Variants in PBX3 observed in about 807,000 individuals in gnomAD.
PBX3 encodes PBX homeobox 3.
PBX3 carries 14 observed loss-of-function variants against 48.5 expected under a neutral mutation model. The ratio of observed to expected loss-of-function variants is 0.29; its 90% confidence interval spans 0.19 to 0.45. The LOEUF (loss-of-function observed/expected upper bound fraction) is 0.45, where lower values mean the gene tolerates loss of function less well. PBX3 is among the 20% of genes least tolerant of loss of function. PBX3 has a pLI of 1.00. For missense variants in PBX3, 386 were observed against 546.7 expected, an observed-to-expected ratio of 0.71 and a Z score of 2.93; for synonymous variants, 210 against 200.3, an observed-to-expected ratio of 1.05 and a Z score of -0.41.
intron 5 of PBX3, among the ~76,000 whole-genome samples, chr9:125,956,876 C>T (rs1842321593): frequency 6.6e-6 from 1 of 152,198 alleles, no homozygotes; most frequent in African/African-American, 2.4e-5. Flanking sequence ...AAGCTCTGCT[C>T]GCCTTCATGC....
At chr9:125,879,142 A>G (rs1019653054) in intron 2 of PBX3, among the ~76,000 whole-genome samples, 1 of 147,316 alleles carries the variant, frequency 6.8e-6, no homozygotes, top group South Asian at 2.1e-4. Flanking sequence ...CAGTGGTGCA[A>G]TCTTAGCTCA....
rs149685433 is a variant in PBX3 at position 125,944,181 on chromosome 9, AC to A, written c.843+8576del. Among the ~76,000 whole-genome samples, 587 of 152,320 alleles carry A rather than the reference AC, an allele frequency of 3.9e-3. 2 individuals carry two copies. The highest frequency in any genetic ancestry group is 0.013 in the African/African-American group (559 of 41,572). On this transcript the variant is annotated intron_variant, in intron 5 of 8. Transcript: ENST00000373489. Reference sequence around the variant, plus strand: ...GATTCTGTGATGTTTGCATCCAGAAACCTTCTCCAGAGATGCTCTTGGGCTT... The same window carrying A: ...GATTCTGTGATGTTTGCATCCAGAAACTTCTCCAGAGATGCTCTTGGGCTT...
Position 125,860,970 on chromosome 9 carries a change from A to C in PBX3, c.275-54716A>C, listed in dbSNP as rs1321635278. On this transcript the variant is annotated intron_variant, in intron 2 of 8. Coordinates refer to ENST00000373489, the MANE Select transcript of PBX3 (RefSeq NM_006195.6). ...AAAGTTCAACAAGTTACCACTTTAC[A>C]CTTACTAGGATGATTATAATGAAAA... is the stretch of plus-strand genomic sequence containing the variant. Among the ~76,000 whole-genome samples, 6 of 151,408 alleles carry C rather than the reference A, an allele frequency of 4.0e-5. 1 individual carries two copies. Among genetic ancestry groups the C allele is most frequent in the African/African-American group, 1.5e-4 (6 of 41,194 alleles).
chr9:125,870,628 G>T (rs1840099242), intron 2 of PBX3, among the ~76,000 whole-genome samples: 1 of 152,142 alleles, frequency 6.6e-6, no homozygotes, highest in Admixed American at 6.5e-5. Flanking sequence ...TTCAAGATGA[G>T]GTTTGGGTGG....
At chr9:125,904,692 A>T (rs891031854) in intron 2 of PBX3, among the ~76,000 whole-genome samples, 2 of 151,886 alleles carry the variant, frequency 1.3e-5, no homozygotes, top group Non-Finnish European at 2.9e-5. Flanking sequence ...AGGGGCAGAG[A>T]TAGTTGGAGA....
At chr9:125,845,524 C>T (rs907132140) in intron 2 of PBX3, among the ~76,000 whole-genome samples, 9 of 151,988 alleles carry the variant, frequency 5.9e-5, no homozygotes, top group East Asian at 1.9e-4. Context: ...ATCAAATGAA[C>T]GGCTAACAGA....
At chr9:125,783,624 CTG>C (rs1837381502) in intron 2 of PBX3, among the ~76,000 whole-genome samples, 1 of 152,132 alleles carries the variant, frequency 6.6e-6, no homozygotes, top group Non-Finnish European at 1.5e-5. Flanking sequence ...TGCTAATACT[CTG>C]TTTTTGTTAA....
Position 125,960,632 on chromosome 9 carries a change from T to C in PBX3, c.844-52T>C, listed in dbSNP as rs1041709134. On this transcript the variant is annotated intron_variant, in intron 5 of 8. Coordinates refer to ENST00000373489, the MANE Select transcript of PBX3 (RefSeq NM_006195.6). ...GTGTCCAGCAGGTATTATTGGAATTTGATTACTTCTTCCTCTCTTCCCCTT... is the reference window on the plus strand; with the variant it reads ...GTGTCCAGCAGGTATTATTGGAATTCGATTACTTCTTCCTCTCTTCCCCTT... The C allele has an allele frequency of 1.3e-5, 20 of 1,561,504 alleles. No individual in the cohort carries two copies. The African/African-American group carries it at 2.0e-4, about 16-fold the overall frequency.
rs1836215195 is a variant in PBX3, at chr9:125,747,403, C to T, written c.-51C>T. ...CCCTCGTCGCCGCCGCCGCCGCCGC[C>T]GCCTCAGCCTTCGCCTCAGCCGCCG... On this transcript the variant is annotated 5_prime_UTR_variant, in exon 1 of 9. Coordinates refer to ENST00000373489, the MANE Select transcript of PBX3 (RefSeq NM_006195.6). 3.2e-6 allele frequency: 4 copies of T among 1,238,878 alleles called. No homozygotes were observed. Among genetic ancestry groups the T allele is most frequent in the African/African-American group, 3.2e-5 (2 of 61,690 alleles). 76.7% of individuals were successfully genotyped at this position (1,238,878 alleles called of 1,614,324 possible).
chr9:125,954,638 C>T (rs1392166671), intron 5 of PBX3, among the ~76,000 whole-genome samples: 4 of 152,166 alleles, frequency 2.6e-5, no homozygotes, highest in South Asian at 4.1e-4. Flanking sequence ...CGGGTTCAAG[C>T]GATTCCCCTG....
At chr9:125,837,151 A>C (rs762481153) in intron 2 of PBX3, among the ~76,000 whole-genome samples, 29 of 152,150 alleles carry the variant, frequency 1.9e-4, no homozygotes, top group Non-Finnish European at 1.3e-4. Flanking sequence ...GGGCTGGTTA[A>C]ATTATGTTAC....
chr9:125,917,551 T>C (rs916187397), intron 3 of PBX3, among the ~76,000 whole-genome samples: 3 of 152,134 alleles, frequency 2.0e-5, no homozygotes, highest in African/African-American at 7.2e-5. Context: ...TTTTATTCTT[T>C]CCTTCCCACT....
rs533255490 is a variant in PBX3, at chr9:125,880,879, A to C, written c.275-34807A>C. 2.6e-5 allele frequency among the ~76,000 whole-genome samples: 4 copies of C among 152,318 alleles called. No individual in the cohort carries two copies. The South Asian group carries it at 8.3e-4, about 32-fold the overall frequency. Reference sequence around the variant, plus strand: ...AAGGTGTACATTTTTTGTGCAATAAAGTAGAAATAAAAAACTGTCTTATTG... The same window carrying C: ...AAGGTGTACATTTTTTGTGCAATAACGTAGAAATAAAAAACTGTCTTATTG... On this transcript the variant is annotated intron_variant, in intron 2 of 8. Coordinates refer to ENST00000373489, the MANE Select transcript of PBX3 (RefSeq NM_006195.6).
At chr9:125,765,544 G>A (rs1836780647) in intron 2 of PBX3, among the ~76,000 whole-genome samples, 1 of 152,160 alleles carries the variant, frequency 6.6e-6, no homozygotes, top group South Asian at 2.1e-4. Flanking sequence ...TTAAAGGGCA[G>A]AAGACTAGTT....
At chr9:125,920,796 A>G (rs1841440952) in intron 3 of PBX3, among the ~76,000 whole-genome samples, 1 of 152,190 alleles carries the variant, frequency 6.6e-6, no homozygotes, top group Non-Finnish European at 1.5e-5. Context: ...CAAGGAATAC[A>G]CTGAATGTGC....
At chr9:125,958,570 A>G (rs1017904138) in intron 5 of PBX3, among the ~76,000 whole-genome samples, 1 of 152,232 alleles carries the variant, frequency 6.6e-6, no homozygotes, top group Non-Finnish European at 1.5e-5. Flanking sequence ...CATTAGGACT[A>G]TCCAACAATG....
intron 2 of PBX3, among the ~76,000 whole-genome samples, chr9:125,891,046 C>A (rs1345751219): frequency 6.6e-6 from 1 of 152,200 alleles, no homozygotes; most frequent in African/African-American, 2.4e-5. Flanking sequence ...TAGCCAAAGT[C>A]ATAATTTCTG....
intron 5 of PBX3, among the ~76,000 whole-genome samples, chr9:125,954,109 C>A (rs1482506594): frequency 6.6e-6 from 1 of 152,148 alleles, no homozygotes; most frequent in East Asian, 1.9e-4. Flanking sequence ...GTTCATTGCC[C>A]CGAAGTATGA....
At chr9:125,882,057 T>TAAAATA (rs1201605893) in intron 2 of PBX3, among the ~76,000 whole-genome samples, 3 of 151,374 alleles carry the variant, frequency 2.0e-5, no homozygotes, top group African/African-American at 4.8e-5. Context: ...AAATAAATAA[T>TAAAATA]AAAATAAAAA....
Sources: gnomAD v4.1 joint callset for allele counts (sites outside exome capture counted in the v4.1 genomes callset) on GRCh38, gnomAD v4.1.1 for gene constraint, MANE v1.5 for transcripts, NCBI Gene and HGNC (gene_info 2026-07-23, HGNC 2026-07-21) for gene names.